The following HIP1 variants were observed in gnomAD, a reference collection of about 807,000 sequenced individuals.
The protein encoded by HIP1 is huntingtin interacting protein 1, also known as huntingtin-interacting protein 1.
A neutral mutation model predicts 147.6 loss-of-function variants in HIP1; 65 were observed. The ratio of observed to expected loss-of-function variants is 0.44; its 90% CI spans 0.36 to 0.54. The LOEUF is 0.54. HIP1 is among the 20% of genes least tolerant of loss of function. The probability of loss-of-function intolerance (pLI) is 0.00; values close to 1 mark genes in which losing one functional copy is unlikely to be tolerated. For synonymous variants in HIP1, 479 were observed against 504.0 expected, an observed-to-expected ratio of 0.95 and a Z score of 0.67; for missense variants, 1,061 against 1,299.6, an observed-to-expected ratio of 0.82 and a Z score of 2.82.
In HIP1 at chr7:75,650,453, C is replaced by CTTTTTTTTTTTTTT. The variant is rs782108312; in HGVS notation, c.121-51220_121-51207dup. Among the ~76,000 whole-genome samples, 376 of 126,458 alleles carry CTTTTTTTTTTTTTT rather than the reference C, an allele frequency of 3.0e-3. 12 individuals are homozygous for CTTTTTTTTTTTTTT. The highest frequency in any genetic ancestry group is 9.0e-3 in the African/African-American group (293 of 32,454). The allele number at this position is 126,458 out of a possible 152,430, so 83.0% of individuals were successfully genotyped here. A position where few individuals can be genotyped will look rare whatever the true frequency, so the allele number is the denominator to read the frequency against. ...CAGGGATGTGTCTCTGCCCAGTTAT[C>CTTTTTTTTTTTTTT]TTTTTTTTTTTTTTTTTGAGACAGA... On this transcript the variant is annotated intron_variant, in intron 1 of 30. Transcript: ENST00000336926.
chr7:75,664,265 T>TATAC (rs1318145830), intron 1 of HIP1, among the ~76,000 whole-genome samples: 1 of 145,132 alleles, frequency 6.9e-6, no homozygotes, highest in African/African-American at 2.5e-5. Flanking sequence ...CACATATATG[T>TATAC]ATACATACAT....
At chr7:75,565,119 A>G (rs913386978) in intron 9 of HIP1, among the ~76,000 whole-genome samples, 2 of 152,168 alleles carry the variant, frequency 1.3e-5, no homozygotes, top group Non-Finnish European at 2.9e-5. Context: ...GCTTAGTCCA[A>G]TAAACGAAAC....
In HIP1 at chr7:75,695,921, C is replaced by T. The variant is rs371895504; in HGVS notation, c.120+42880G>A. ...TCTCCACCTGCCTTCAGTTCTGCCC[C>T]CGTGCCTCCAGTATGATGTCTCCCA... On this transcript the variant is annotated intron_variant, in intron 1 of 30. Coordinates refer to ENST00000336926, the MANE Select transcript of HIP1 (RefSeq NM_005338.7). Among the ~76,000 whole-genome samples, 3 of 151,792 alleles carry T rather than the reference C, an allele frequency of 2.0e-5. No individual in the cohort carries two copies. The South Asian group carries it at 6.3e-4, about 32-fold the overall frequency.
chr7:75,549,022 C>G, intron 22 of HIP1, 21 bp from the exon 23 acceptor site: 1 of 1,544,130 alleles, frequency 6.5e-7, no homozygotes, highest in Non-Finnish European at 9.0e-7. Flanking sequence ...ATCACAAAGG[C>G]TGAACTGACC....
intron 1 of HIP1, among the ~76,000 whole-genome samples, chr7:75,698,820 TAA>T (rs11380555): frequency 6.9e-6 from 1 of 144,682 alleles, no homozygotes; most frequent in Admixed American, 6.9e-5. Context: ...CCCTGCCTCT[TAA>T]AAAAAAAAAA....
At chr7:75,546,627 G>C (rs1794574893) in intron 25 of HIP1, among the ~76,000 whole-genome samples, 1 of 152,220 alleles carries the variant, frequency 6.6e-6, no homozygotes, top group Admixed American at 6.5e-5. Context: ...TTCAGGATCT[G>C]CTTCTTTTGC....
intron 1 of HIP1, among the ~76,000 whole-genome samples, chr7:75,682,034 T>C (rs1384151379): frequency 7.0e-6 from 1 of 143,528 alleles, no homozygotes; most frequent in Non-Finnish European, 1.5e-5. Context: ...TTTTTTTTTT[T>C]TTTTTTTTTT....
Position 75,536,347 on chromosome 7 carries a change from A to AG in HIP1, c.*1824dup, listed in dbSNP as rs1301724539. ...AAAATGCACAGAGAGGGAGTTGGGGAGGGGGGTGGGCTAGGGAGATGGGGG... is the reference window on the plus strand; with the variant it reads ...AAAATGCACAGAGAGGGAGTTGGGGAGGGGGGGTGGGCTAGGGAGATGGGGG... On this transcript the variant is annotated 3_prime_UTR_variant, in exon 31 of 31. Coordinates refer to ENST00000336926, the MANE Select transcript of HIP1 (RefSeq NM_005338.7). The AG allele has an allele frequency of 9.7e-6, 1 of 102,588 alleles. No individual in the cohort carries two copies. 6.4% of individuals were successfully genotyped at this position (102,588 alleles called of 1,614,324 possible). A position where few individuals can be genotyped will look rare whatever the true frequency, so the allele number is the denominator to read the frequency against.
intron 1 of HIP1, among the ~76,000 whole-genome samples, chr7:75,730,111 G>A (rs1554522827): frequency 6.6e-6 from 1 of 152,102 alleles, no homozygotes; most frequent in African/African-American, 2.4e-5. Flanking sequence ...GAAGTCAGGA[G>A]GGAGATGTGG....
intron 1 of HIP1, among the ~76,000 whole-genome samples, chr7:75,628,473 CTCTTT>C (rs782751732): frequency 7.4e-6 from 1 of 135,354 alleles, no homozygotes; most frequent in African/African-American, 2.9e-5. Flanking sequence ...TCTCCTGTAC[CTCTTT>C]TTTTTTTTTT....
intron 1 of HIP1, among the ~76,000 whole-genome samples, chr7:75,639,453 C>A (rs1489686735): frequency 6.6e-6 from 1 of 151,692 alleles, no homozygotes; most frequent in African/African-American, 2.4e-5. Context: ...GGCCCCCGGG[C>A]TCGCACGGCG....
intron 1 of HIP1, among the ~76,000 whole-genome samples, chr7:75,605,747 G>A (rs587715081): frequency 1.7e-4 from 26 of 152,316 alleles, no homozygotes; most frequent in African/African-American, 4.6e-4. Context: ...TGTTGGCCAG[G>A]CTGTTCTCAA....
chr7:75,709,952 C>G (rs959851016), intron 1 of HIP1, among the ~76,000 whole-genome samples: 1 of 152,108 alleles, frequency 6.6e-6, no homozygotes, highest in Middle Eastern at 3.2e-3. Context: ...GCTCACTGCA[C>G]CCTCAACCTC....
chr7:75,710,413 TA>T (rs1801136636), intron 1 of HIP1, among the ~76,000 whole-genome samples: 1 of 152,236 alleles, frequency 6.6e-6, no homozygotes, highest in East Asian at 1.9e-4. Flanking sequence ...TTTGGTATAC[TA>T]ATATTTTATT....
At chr7:75,728,335 G>A (rs1325699400) in intron 1 of HIP1, among the ~76,000 whole-genome samples, 1 of 152,224 alleles carries the variant, frequency 6.6e-6, no homozygotes, top group Non-Finnish European at 1.5e-5. Flanking sequence ...ACTGGGAACA[G>A]AGCTCCTCCC....
intron 1 of HIP1, among the ~76,000 whole-genome samples, chr7:75,631,227 G>A (rs1360397905): frequency 1.3e-5 from 2 of 151,936 alleles, no homozygotes; most frequent in African/African-American, 4.8e-5. Context: ...TCCCGCCTTA[G>A]CCTCCCAAAG....
intron 1 of HIP1, among the ~76,000 whole-genome samples, chr7:75,630,592 T>C (rs1798179979): frequency 6.6e-6 from 1 of 152,142 alleles, no homozygotes; most frequent in Non-Finnish European, 1.5e-5. Context: ...TTCATGACCT[T>C]ACCCTTTTAG....
At chr7:75,696,275 A>G (rs1800630898) in intron 1 of HIP1, among the ~76,000 whole-genome samples, 1 of 152,166 alleles carries the variant, frequency 6.6e-6, no homozygotes, top group Non-Finnish European at 1.5e-5. Flanking sequence ...GGTGTGAGCC[A>G]CCATGCCTGG....
At position 75,555,449 on chromosome 7, in the gene HIP1, C is replaced by T; in HGVS notation, c.1930G>A (p.Glu644Lys). 1.9e-6 allele frequency: 3 copies of T among 1,614,074 alleles called. No homozygotes were observed. The highest frequency in any genetic ancestry group is 2.5e-6 in the Non-Finnish European group (3 of 1,180,036). Residue 644 changes from glutamate to lysine, a missense_variant, in exon 19 of 31, where the codon GAA (glutamate) becomes AAA (lysine). By Grantham distance (56) the Glu-to-Lys change is moderately conservative. This residue lies in a region of HIP1 where 810 missense variants were observed against 946.8 expected (regional missense o/e 0.86). Transcript: ENST00000336926. ...CCAGCGCAGCTGATGAGAGGAGGTT[C>T]TTCAAGCTGGTTCAGGGCGTCTTGT... ...VIQDALNQLE[E>K]PPLISCAGSA... is the part of the protein sequence containing the mutation.
Sources: allele counts gnomAD v4.1 joint callset (sites outside exome capture counted in the v4.1 genomes callset), GRCh38; gene constraint gnomAD v4.1.1; regional missense constraint gnomAD v4.1.1; transcripts MANE v1.5; gene names NCBI Gene and HGNC (gene_info 2026-07-23, HGNC 2026-07-21).